PTK2B: variants seen among roughly 807,000 people sequenced by gnomAD.
PTK2B encodes protein-tyrosine kinase 2-beta.
PTK2B carries 71 observed loss-of-function variants against 142.9 expected under a neutral mutation model. The ratio of observed to expected loss-of-function variants is 0.50; its 90% confidence interval spans 0.41 to 0.61. PTK2B has a LOEUF of 0.61. PTK2B is among the 20% of genes least tolerant of loss of function. The pLI, the probability that PTK2B is intolerant of heterozygous loss-of-function variation, is 0.00. For missense variants in PTK2B, 1,105 were observed against 1,320.4 expected (o/e 0.84, Z 2.53); for synonymous variants, 519 against 503.4 (o/e 1.03, Z -0.42).
intron 1 of PTK2B, among the ~76,000 whole-genome samples, chr8:27,390,280 A>G (rs1003808044): frequency 6.6e-6 from 1 of 152,122 alleles, no homozygotes. Context: ...CACTGGAGGT[A>G]GAAGGGGCTG....
intron 15 of PTK2B, among the ~76,000 whole-genome samples, chr8:27,436,634 G>A (rs1586322315): frequency 6.6e-6 from 1 of 152,196 alleles, no homozygotes; most frequent in African/African-American, 2.4e-5. Context: ...GGGGAGGCGG[G>A]ATAAAGACAG....
At chr8:27,396,513 C>T (rs1197592104) in intron 1 of PTK2B, among the ~76,000 whole-genome samples, 1 of 152,162 alleles carries the variant, frequency 6.6e-6, no homozygotes, top group African/African-American at 2.4e-5. Context: ...TCCTGGGAAA[C>T]GAATATGTCA....
At chr8:27,318,953 T>G (rs62502390) in intron 3 of PTK2B, among the ~76,000 whole-genome samples, 75,969 of 151,934 alleles carry the variant, frequency 0.5, 19,276 homozygotes, top group Non-Finnish European at 0.54. Flanking sequence ...GCCTGGCCTT[T>G]CGTGTTGTTC....
At chr8:27,382,674 GTA>G (rs909339560) in intron 1 of PTK2B, among the ~76,000 whole-genome samples, 21 of 152,132 alleles carry the variant, frequency 1.4e-4, no homozygotes, top group African/African-American at 4.8e-4. Flanking sequence ...CTTTCTTCTA[GTA>G]GTTTTATAGT....
At chr8:27,439,224 G>A (rs1163348115) in intron 19 of PTK2B, 85 bp from the exon 20 acceptor site, 5 of 1,564,090 alleles carry the variant, frequency 3.2e-6, no homozygotes, top group Non-Finnish European at 4.4e-6. Context: ...GACAGCCCAG[G>A]CTAAGGGTCT....
intron 17 of PTK2B, 99 bp from the exon 18 acceptor site, chr8:27,437,666 C>T: frequency 7.6e-7 from 1 of 1,309,402 alleles, no homozygotes; most frequent in Non-Finnish European, 1.1e-6. Flanking sequence ...TTGTCTCCCA[C>T]CGCCCCCAGG....
At chr8:27,359,425 T>C (rs1805572184) in intron 1 of PTK2B, among the ~76,000 whole-genome samples, 1 of 152,222 alleles carries the variant, frequency 6.6e-6, no homozygotes, top group African/African-American at 2.4e-5. Flanking sequence ...CTTGCAAATA[T>C]ACTTTTTATT....
chr8:27,408,155 A>G (rs959192331), intron 2 of PTK2B, among the ~76,000 whole-genome samples: 3 of 152,038 alleles, frequency 2.0e-5, no homozygotes, highest in Non-Finnish European at 2.9e-5. Flanking sequence ...GAGGTGCCAT[A>G]GAAACTAGGA....
upstream of PTK2B, among the ~76,000 whole-genome samples, chr8:27,324,046 G>T (rs1024658153): frequency 6.6e-6 from 1 of 152,184 alleles, no homozygotes; most frequent in Non-Finnish European, 1.5e-5. Flanking sequence ...GTGCCACTCA[G>T]CCTTCATCAC....
At chr8:27,340,767 T>G (rs1586113518) in intron 1 of PTK2B, among the ~76,000 whole-genome samples, 1 of 151,800 alleles carries the variant, frequency 6.6e-6, no homozygotes, top group African/African-American at 2.4e-5. Context: ...AAGTGGGAGG[T>G]GCCAGCCCTC....
intron 1 of PTK2B, among the ~76,000 whole-genome samples, chr8:27,327,332 C>T (rs1292576349): frequency 2.6e-5 from 4 of 152,078 alleles, no homozygotes; most frequent in African/African-American, 9.7e-5. Flanking sequence ...AGGAGACTTC[C>T]CAGCAGGAAG....
intron 5 of PTK2B, 37 bp from the exon 6 acceptor site, chr8:27,430,056 A>G: frequency 6.3e-7 from 1 of 1,587,316 alleles, no homozygotes; most frequent in South Asian, 1.1e-5. Flanking sequence ...CTCATTCTCC[A>G]GCCTTCAGCC....
chr8:27,342,416 A>G (rs1404093968), intron 1 of PTK2B, among the ~76,000 whole-genome samples: 1 of 151,976 alleles, frequency 6.6e-6, no homozygotes, highest in Non-Finnish European at 1.5e-5. Flanking sequence ...CCTCCCGAGA[A>G]GCCACTGAGC....
At chr8:27,355,575 C>T (rs917101715) in intron 1 of PTK2B, among the ~76,000 whole-genome samples, 1 of 152,170 alleles carries the variant, frequency 6.6e-6, no homozygotes, top group Non-Finnish European at 1.5e-5. Context: ...TAATTTGTTA[C>T]AGCAATAGTA....
intron 2 of PTK2B, among the ~76,000 whole-genome samples, chr8:27,411,451 T>A (rs1323225632): frequency 6.6e-6 from 1 of 152,212 alleles, no homozygotes. Flanking sequence ...AGGGCCTATG[T>A]GTGTGCACGA....
intron 2 of PTK2B, among the ~76,000 whole-genome samples, chr8:27,412,562 A>G (rs1586266855): frequency 1.3e-5 from 2 of 152,106 alleles, no homozygotes; most frequent in East Asian, 3.9e-4. Context: ...TTTGCCCCCC[A>G]GGAAAGAATG....
At chr8:27,324,152 C>T (rs1222332074), upstream of PTK2B, among the ~76,000 whole-genome samples, 4 of 152,224 alleles carry the variant, frequency 2.6e-5, no homozygotes, top group Non-Finnish European at 5.9e-5. Context: ...CCTCCTCATC[C>T]CCACACCTTC....
At chr8:27,419,395 C>A (rs964825185) in intron 2 of PTK2B, among the ~76,000 whole-genome samples, 1 of 152,194 alleles carries the variant, frequency 6.6e-6, no homozygotes, top group Admixed American at 6.5e-5. Context: ...AGTTCCATTC[C>A]GTGGGTTGTG....
upstream of PTK2B, among the ~76,000 whole-genome samples, chr8:27,323,902 AT>A (rs1237265034): frequency 6.6e-6 from 1 of 152,156 alleles, no homozygotes; most frequent in African/African-American, 2.4e-5. Context: ...ATTGTAGTTC[AT>A]TTATGTGGCC....
Sources: allele counts gnomAD v4.1 joint callset (sites outside exome capture counted in the v4.1 genomes callset), GRCh38; gene constraint gnomAD v4.1.1; transcripts MANE v1.5; gene names NCBI Gene and HGNC (gene_info 2026-07-23, HGNC 2026-07-21).